The following CLDN10 variants were observed in gnomAD, a reference collection of about 807,000 sequenced individuals.
CLDN10 encodes the protein claudin 10.
CLDN10 carries 15 observed loss-of-function variants against 22.9 expected under a neutral mutation model. That is an observed-to-expected ratio of 0.65 (90% CI 0.44 to 1.01). The LOEUF is 1.01. Ranked by LOEUF, CLDN10 falls within the 50% of genes least tolerant of loss-of-function variation. The pLI is 0.00. For synonymous variants in CLDN10, 114 were observed against 111.4 expected (o/e 1.02, Z -0.15); for missense variants, 247 against 287.8 (o/e 0.86, Z 1.03).
chr13:95,440,762 G>A (rs1317887049), intron 1 of CLDN10, among the ~76,000 whole-genome samples: 3 of 152,242 alleles, frequency 2.0e-5, no homozygotes, highest in African/African-American at 7.2e-5. Flanking sequence ...GACTTTCGCA[G>A]TAGAATCTAG....
intron 1 of CLDN10, among the ~76,000 whole-genome samples, chr13:95,446,994 G>A (rs1056516022): frequency 3.3e-5 from 5 of 152,150 alleles, no homozygotes; most frequent in African/African-American, 7.2e-5. Context: ...GCACAGAGCC[G>A]AGTGATGGCG....
At chr13:95,469,111 G>T (rs1594539796) in intron 1 of CLDN10, among the ~76,000 whole-genome samples, 1 of 147,456 alleles carries the variant, frequency 6.8e-6, no homozygotes, top group Non-Finnish European at 1.5e-5. Flanking sequence ...TTTTGGTTTT[G>T]TTTTCTGTTT....
At chr13:95,530,792 A>G (rs1316111875) in intron 1 of CLDN10, among the ~76,000 whole-genome samples, 3 of 152,200 alleles carry the variant, frequency 2.0e-5, no homozygotes, top group Non-Finnish European at 4.4e-5. Flanking sequence ...CAGTCAAAGA[A>G]TTATTTTCTT....
intron 1 of CLDN10, among the ~76,000 whole-genome samples, chr13:95,539,913 G>C (rs1467266085): frequency 6.6e-6 from 1 of 152,162 alleles, no homozygotes; most frequent in Non-Finnish European, 1.5e-5. Context: ...TCAGCACTTT[G>C]GGAGGTCGAG....
intron 1 of CLDN10, among the ~76,000 whole-genome samples, chr13:95,540,533 T>C (rs1024409076): frequency 6.6e-6 from 1 of 152,170 alleles, no homozygotes; most frequent in Non-Finnish European, 1.5e-5. Context: ...CTGCTTACAT[T>C]AATTACAAAA....
chr13:95,446,697 C>T (rs2042382200), intron 1 of CLDN10, among the ~76,000 whole-genome samples: 1 of 152,104 alleles, frequency 6.6e-6, no homozygotes, highest in Non-Finnish European at 1.5e-5. Flanking sequence ...CAAAAATTAG[C>T]TGGGTGTGGA....
rs1328387180 is a variant in CLDN10 at position 95,552,935 on chromosome 13, C to G, written c.182C>G (p.Ser61Cys). 6.2e-7 allele frequency: 1 copy of G among 1,614,030 alleles called. No homozygotes were observed. Among genetic ancestry groups the G allele is most frequent in the East Asian group, 2.2e-5 (1 of 44,888 alleles). ...KACVTDSTGVSNCKDFPSMLA... is the reference protein window; with the variant it reads ...KACVTDSTGVCNCKDFPSMLA... ...TGCGTTACCGACTCCACGGGCGTCT[C>G]CAACTGCAAGGACTTCCCCTCCATG... is the stretch of plus-strand genomic sequence containing the variant. The change falls in exon 1 of 5, where the codon TCC becomes TGC. Residue 61 changes from serine to cysteine, a missense_variant. Physicochemically the swap from Ser to Cys is moderately radical, Grantham distance 112 (BLOSUM62 -1). Transcript: ENST00000299339.
intron 1 of CLDN10, among the ~76,000 whole-genome samples, chr13:95,470,025 T>C (rs1409141001): frequency 6.6e-6 from 1 of 152,232 alleles, no homozygotes. Context: ...GTTGTCTGTG[T>C]TCATGTATCT....
At chr13:95,451,196 A>G (rs762574538) in intron 1 of CLDN10, among the ~76,000 whole-genome samples, 4 of 152,206 alleles carry the variant, frequency 2.6e-5, no homozygotes, top group Non-Finnish European at 5.9e-5. Flanking sequence ...GAATGCATCA[A>G]AACAGTCCTG....
At chr13:95,488,356 T>A (rs1484282900) in intron 1 of CLDN10, among the ~76,000 whole-genome samples, 2 of 151,876 alleles carry the variant, frequency 1.3e-5, no homozygotes, top group Non-Finnish European at 2.9e-5. Context: ...ATTTTTTTTT[T>A]AACAATTTTT....
intron 1 of CLDN10, among the ~76,000 whole-genome samples, chr13:95,558,780 C>T (rs184448588): frequency 6.6e-6 from 1 of 152,174 alleles, no homozygotes; most frequent in Non-Finnish European, 1.5e-5. Context: ...TAAAAATTAG[C>T]CATAGGTGGG....
At chr13:95,550,177 C>T (rs892748202), upstream of CLDN10, among the ~76,000 whole-genome samples, 3 of 152,258 alleles carry the variant, frequency 2.0e-5, no homozygotes, top group South Asian at 4.1e-4. Flanking sequence ...TTGTTTCTTC[C>T]GGATGCTATG....
intron 1 of CLDN10, among the ~76,000 whole-genome samples, chr13:95,540,156 C>A (rs1053425963): frequency 2.4e-4 from 37 of 151,928 alleles, no homozygotes; most frequent in African/African-American, 8.9e-4. Flanking sequence ...AAAAATTAGC[C>A]GGGCATGGTG....
rs747858836 is a variant in CLDN10 at position 95,579,097 on chromosome 13, G to C, written c.*1083G>C. ...TTATATCCTACTGCTCAAGGTCATC[G>C]CCAAGGTGTGATTGGAAAAATTCAA... On this transcript the variant is annotated 3_prime_UTR_variant, in exon 5 of 5. Transcript: ENST00000299339. 2 of 152,174 alleles carry C rather than the reference G, an allele frequency of 1.3e-5. No homozygotes were observed. Among genetic ancestry groups the C allele is most frequent in the Non-Finnish European group, 2.9e-5 (2 of 68,032 alleles). The allele number at this position is 152,174 out of a possible 1,614,324, so 9.4% of individuals were successfully genotyped here. A position where few individuals can be genotyped will look rare whatever the true frequency, so the allele number is the denominator to read the frequency against.
chr13:95,539,971 A>G (rs1288721278), intron 1 of CLDN10, among the ~76,000 whole-genome samples: 1 of 151,896 alleles, frequency 6.6e-6, no homozygotes, highest in African/African-American at 2.4e-5. Context: ...CCTGGGCAAC[A>G]TGGTGAAGCC....
At chr13:95,496,843 A>G (rs1451592820) in intron 1 of CLDN10, among the ~76,000 whole-genome samples, 1 of 152,214 alleles carries the variant, frequency 6.6e-6, no homozygotes, top group Non-Finnish European at 1.5e-5. Context: ...CCTCCAGTAC[A>G]TGACACTCCT....
intron 1 of CLDN10, among the ~76,000 whole-genome samples, chr13:95,513,488 C>T (rs574885457): frequency 6.6e-5 from 10 of 152,296 alleles, no homozygotes; most frequent in East Asian, 1.9e-4. Context: ...CTCTAACAAA[C>T]GCTTCCAGCC....
chr13:95,457,110 T>G (rs944976395), intron 1 of CLDN10, among the ~76,000 whole-genome samples: 4 of 152,202 alleles, frequency 2.6e-5, no homozygotes, highest in African/African-American at 9.6e-5. Context: ...AGCATTTTAT[T>G]GCACCCATCT....
intron 1 of CLDN10, among the ~76,000 whole-genome samples, chr13:95,508,423 T>C (rs1321752212): frequency 6.6e-6 from 1 of 152,232 alleles, no homozygotes; most frequent in African/African-American, 2.4e-5. Context: ...TTGCATTATT[T>C]TCTGTATCAT....
Sources: gnomAD v4.1 joint callset for allele counts (sites outside exome capture counted in the v4.1 genomes callset) on GRCh38, gnomAD v4.1.1 for gene constraint, MANE v1.5 for transcripts, NCBI Gene and HGNC (gene_info 2026-07-23, HGNC 2026-07-21) for gene names.